PPP1R17: variants seen among roughly 807,000 people sequenced by gnomAD.
PPP1R17 encodes the protein G-substrate.
Under a neutral mutation model 15.9 loss-of-function variants are expected in PPP1R17, and 12 were observed. That is an observed-to-expected ratio of 0.75 (90% CI 0.48 to 1.22). PPP1R17 has a LOEUF of 1.22. PPP1R17 is among the 50% of genes most tolerant of loss of function. The probability of loss-of-function intolerance (pLI) is 0.00; values close to 1 mark genes in which losing one functional copy is unlikely to be tolerated. For synonymous variants in PPP1R17, 63 were observed against 64.5 expected, an observed-to-expected ratio of 0.98 and a Z score of 0.11; for missense variants, 211 against 187.3, an observed-to-expected ratio of 1.13 and a Z score of -0.74.
At chr7:31,701,633 C>G (rs1003555933) in intron 4 of PPP1R17, among the ~76,000 whole-genome samples, 44 of 152,312 alleles carry the variant, frequency 2.9e-4, no homozygotes, top group African/African-American at 1.0e-3. Flanking sequence ...CTAGAGCAAA[C>G]TCTATTGTTA....
intron 4 of PPP1R17, 104 bp downstream of exon 4, chr7:31,697,221 G>A: frequency 7.0e-7 from 1 of 1,430,884 alleles, no homozygotes; most frequent in Non-Finnish European, 9.4e-7. Flanking sequence ...GCCCCAGCAA[G>A]CTGCGTTGTC....
At chr7:31,703,556 G>C (rs1286796833) in intron 4 of PPP1R17, among the ~76,000 whole-genome samples, 1 of 152,190 alleles carries the variant, frequency 6.6e-6, no homozygotes, top group East Asian at 1.9e-4. Context: ...TGTGATTCTA[G>C]CTTTCATTAC....
intron 1 of PPP1R17, among the ~76,000 whole-genome samples, chr7:31,689,302 G>A (rs1046913266): frequency 1.3e-5 from 2 of 152,188 alleles, no homozygotes; most frequent in African/African-American, 2.4e-5. Context: ...CAAATGTGAA[G>A]TATTAGACAA....
At chr7:31,702,581 T>C (rs1210713328) in intron 4 of PPP1R17, among the ~76,000 whole-genome samples, 1 of 152,212 alleles carries the variant, frequency 6.6e-6, no homozygotes, top group Non-Finnish European at 1.5e-5. Context: ...AACTCTGTAT[T>C]AGTCACAGCA....
intron 2 of PPP1R17, 121 bp downstream of exon 2, chr7:31,692,644 C>T: frequency 1.2e-6 from 1 of 855,930 alleles, no homozygotes; most frequent in South Asian, 1.6e-5. Context: ...TCTGTGCCTT[C>T]TGGTGACAGC....
rs187815352 is a variant in PPP1R17, at chr7:31,706,587, G to T, written c.389-617G>T. Among the ~76,000 whole-genome samples, 772 of 152,268 alleles carry T rather than the reference G, an allele frequency of 5.1e-3. 6 individuals are homozygous for T. The highest frequency in any genetic ancestry group is 0.018 in the African/African-American group (742 of 41,558). On this transcript the variant is annotated intron_variant, in intron 4 of 4. Transcript: ENST00000342032. The stretch of plus-strand genomic sequence containing the variant: ...CACCTCCTGGTACAGTACTGACATT[G>T]AGAAATGGCATGTCCAGAGCCTGAG...
intron 3 of PPP1R17, among the ~76,000 whole-genome samples, chr7:31,696,421 G>C (rs993452462): frequency 6.6e-6 from 1 of 152,224 alleles, no homozygotes; most frequent in Non-Finnish European, 1.5e-5. Context: ...TTGGAGCTCA[G>C]TGTGGGTAGT....
At chr7:31,690,558 T>A (rs1296419541) in intron 1 of PPP1R17, among the ~76,000 whole-genome samples, 1 of 152,226 alleles carries the variant, frequency 6.6e-6, no homozygotes, top group East Asian at 1.9e-4. Flanking sequence ...TCTTTAAGAT[T>A]TAGCAACTTC....
rs563816934 is a variant in PPP1R17 at position 31,697,851 on chromosome 7, C to T, written c.388+734C>T. On this transcript the variant is annotated intron_variant, in intron 4 of 4. Coordinates refer to ENST00000342032, the MANE Select transcript of PPP1R17 (RefSeq NM_006658.5). ...TTAACTGACTAATATAATAGAGAGG[C>T]TATTATCTCGTTTTGCAGACTAAGA... 2.6e-5 allele frequency among the ~76,000 whole-genome samples: 4 copies of T among 152,256 alleles called. No homozygotes were observed. The East Asian group carries it at 5.8e-4, about 22-fold the overall frequency.
At chr7:31,701,382 C>A (rs954659109) in intron 4 of PPP1R17, among the ~76,000 whole-genome samples, 1 of 152,114 alleles carries the variant, frequency 6.6e-6, no homozygotes, top group Non-Finnish European at 1.5e-5. Flanking sequence ...TGAATTGCTG[C>A]AATCTAATGA....
At chr7:31,702,357 G>T (rs1175126870) in intron 4 of PPP1R17, among the ~76,000 whole-genome samples, 4 of 152,112 alleles carry the variant, frequency 2.6e-5, no homozygotes, top group Admixed American at 6.5e-5. Context: ...ATGGAGAAAT[G>T]GTCCAAGGAC....
chr7:31,689,691 A>G (rs1287504822), intron 1 of PPP1R17, among the ~76,000 whole-genome samples: 1 of 152,142 alleles, frequency 6.6e-6, no homozygotes, highest in Non-Finnish European at 1.5e-5. Flanking sequence ...AAAATTATCA[A>G]TAAGCCAACA....
chr7:31,707,573 T>A lies in PPP1R17; in HGVS notation c.*290T>A. On this transcript the variant is annotated 3_prime_UTR_variant, in exon 5 of 5. Transcript: ENST00000342032. Reference sequence around the variant, plus strand: ...TAACAGGGAAAGCACTGGGGTTCGGTTTCTGCATCTTCTGGATCAATTCAC... The same window carrying A: ...TAACAGGGAAAGCACTGGGGTTCGGATTCTGCATCTTCTGGATCAATTCAC... 3.0e-6 allele frequency: 1 copy of A among 332,320 alleles called. No homozygotes were observed. The highest frequency in any genetic ancestry group is 5.5e-6 in the Non-Finnish European group (1 of 181,606). 20.6% of individuals were successfully genotyped at this position (332,320 alleles called of 1,614,324 possible). A position where few individuals can be genotyped will look rare whatever the true frequency, so the allele number is the denominator to read the frequency against.
At chr7:31,695,150 T>TC (rs11410101) in intron 2 of PPP1R17, among the ~76,000 whole-genome samples, 63,696 of 151,886 alleles carry the variant, frequency 0.42, 14,684 homozygotes, top group East Asian at 0.68. Context: ...GAACCTATTC[T>TC]CCCATCAGAA....
rs550999834 is a variant in PPP1R17, at chr7:31,699,233, A to G, written c.388+2116A>G. Among the ~76,000 whole-genome samples, 7 of 152,262 alleles carry G rather than the reference A, an allele frequency of 4.6e-5. No homozygotes were observed. In the South Asian group the frequency reaches 1.5e-3, roughly 32 times the overall value. Reference sequence around the variant, plus strand: ...GCAGGATCTGTTGGCCCTCAGTAACATCCTGCATCAGCCCTTACCTCATTT... The same window carrying G: ...GCAGGATCTGTTGGCCCTCAGTAACGTCCTGCATCAGCCCTTACCTCATTT... On this transcript the variant is annotated intron_variant, in intron 4 of 4. Transcript: ENST00000342032.
chr7:31,705,434 C>G (rs1413868075), intron 4 of PPP1R17, among the ~76,000 whole-genome samples: 1 of 152,072 alleles, frequency 6.6e-6, no homozygotes, highest in Non-Finnish European at 1.5e-5. Flanking sequence ...AAACAGAAAT[C>G]CAAATCTCTG....
chr7:31,696,282 T>C (rs1792580208), intron 3 of PPP1R17, among the ~76,000 whole-genome samples: 1 of 152,198 alleles, frequency 6.6e-6, no homozygotes, highest in South Asian at 2.1e-4. Flanking sequence ...ACCTTGAGGG[T>C]TGCAAAACAA....
Position 31,705,959 on chromosome 7 carries a change from C to CAGACTTCTGAA in PPP1R17, c.389-1244_389-1234dup, listed in dbSNP as rs1793048964. Among the ~76,000 whole-genome samples, 3 of 137,808 alleles carry CAGACTTCTGAA rather than the reference C, an allele frequency of 2.2e-5. No individual in the cohort carries two copies. The East Asian group carries it at 6.5e-4, about 30-fold the overall frequency. The allele number at this position is 137,808 out of a possible 152,430, so 90.4% of individuals were successfully genotyped here. A position where few individuals can be genotyped will look rare whatever the true frequency, so the allele number is the denominator to read the frequency against. ...GGTGATCAGTCCAGAAAATTGTGCT[C>CAGACTTCTGAA]AGACTTCTGAATTTCACAGACCAGT... is the stretch of plus-strand genomic sequence containing the variant. On this transcript the variant is annotated intron_variant, in intron 4 of 4. Transcript: ENST00000342032.
intron 2 of PPP1R17, among the ~76,000 whole-genome samples, chr7:31,695,111 A>G (rs546403162): frequency 2.6e-5 from 4 of 151,520 alleles, no homozygotes; most frequent in Admixed American, 6.6e-5. Flanking sequence ...AGTCTTGAGC[A>G]AAAAGAATGG....
Sources: gnomAD v4.1 joint callset for allele counts (sites outside exome capture counted in the v4.1 genomes callset) on GRCh38, gnomAD v4.1.1 for gene constraint, MANE v1.5 for transcripts, NCBI Gene and HGNC (gene_info 2026-07-23, HGNC 2026-07-21) for gene names.